RFFL: variants seen among roughly 807,000 people sequenced by gnomAD.
RFFL encodes the protein E3 ubiquitin-protein ligase rififylin.
In RFFL, 16 loss-of-function variants were observed where a neutral mutation model predicts 40.4. The ratio of observed to expected loss-of-function variants is 0.40; its 90% CI spans 0.27 to 0.60. RFFL has a LOEUF of 0.60. RFFL is among the 20% of genes least tolerant of loss of function. The probability of loss-of-function intolerance (pLI) is 0.47; values close to 1 mark genes in which losing one functional copy is unlikely to be tolerated. For missense variants in RFFL, 367 were observed against 451.7 expected, an observed-to-expected ratio of 0.81 and a Z score of 1.70; for synonymous variants, 154 against 167.9, an observed-to-expected ratio of 0.92 and a Z score of 0.64.
Position 35,021,752 on chromosome 17 carries a change from A to G in RFFL, c.210T>C (p.Phe70=), listed in dbSNP as rs1049644811. The change falls in exon 3 of 7, where the codon TTT becomes TTC. Residue 70 remains phenylalanine (F), a synonymous_variant. Transcript: ENST00000394597. ...CTACTTGGCTCGAACAGGTCATGCAAAAATTTTTCTTACAGTCCAAGCAGG... is the reference window on the plus strand; with the variant it reads ...CTACTTGGCTCGAACAGGTCATGCAGAAATTTTTCTTACAGTCCAAGCAGG... ...KQTCLDCKKN[F]CMTCSSQVGN... The G allele has an allele frequency of 6.2e-7, 1 of 1,614,230 alleles. No homozygotes were observed. The highest frequency in any genetic ancestry group is 1.7e-5 in the Admixed American group (1 of 60,030).
At chr17:35,038,286 C>CAAA (rs33952696) in intron 1 of RFFL, among the ~76,000 whole-genome samples, 1 of 99,332 alleles carries the variant, frequency 1.0e-5, no homozygotes, top group African/African-American at 3.7e-5. Flanking sequence ...AAAACTGTCT[C>CAAA]AAAAAAAAAA....
At chr17:35,077,891 A>G (rs2091384938) in intron 1 of RFFL, among the ~76,000 whole-genome samples, 1 of 152,214 alleles carries the variant, frequency 6.6e-6, no homozygotes, top group Admixed American at 6.5e-5. Flanking sequence ...GCACAAATCC[A>G]CAGTAGTCAG....
At chr17:35,036,686 C>T (rs560297227) in intron 1 of RFFL, among the ~76,000 whole-genome samples, 20 of 152,296 alleles carry the variant, frequency 1.3e-4, no homozygotes, top group African/African-American at 4.3e-4. Flanking sequence ...CCCTGCTGAA[C>T]AGGAAAATAA....
chr17:35,026,658 G>T, intron 1 of RFFL, 97 bp from the exon 2 acceptor site: 1 of 913,858 alleles, frequency 1.1e-6, no homozygotes, highest in Non-Finnish European at 1.7e-6. Context: ...GACACTCAAT[G>T]CACGCATGCC....
At chr17:35,016,167 A>C (rs1221614331) in intron 5 of RFFL, among the ~76,000 whole-genome samples, 1 of 152,256 alleles carries the variant, frequency 6.6e-6, no homozygotes, top group Admixed American at 6.5e-5. Context: ...GGTTGCTCTA[A>C]GGAATAAATA....
In RFFL at chr17:35,052,226, T is replaced by C. The variant is rs574811169; in HGVS notation, c.-9+11350A>G. 2.0e-5 allele frequency among the ~76,000 whole-genome samples: 3 copies of C among 152,364 alleles called. No homozygotes were observed. In the South Asian group the frequency reaches 6.2e-4, roughly 32 times the overall value. On this transcript the variant is annotated intron_variant, in intron 1 of 6. Coordinates refer to ENST00000394597, the MANE Select transcript of RFFL (RefSeq NM_001017368.2). ...AAAATGCCCTGATCTACCTCCCCAGTACCGGAAGATTTTTTTTCCCTTTCC... is the reference window on the plus strand; with the variant it reads ...AAAATGCCCTGATCTACCTCCCCAGCACCGGAAGATTTTTTTTCCCTTTCC...
intron 1 of RFFL, among the ~76,000 whole-genome samples, chr17:35,054,355 A>C (rs1324102796): frequency 6.6e-6 from 1 of 152,142 alleles, no homozygotes; most frequent in Non-Finnish European, 1.5e-5. Context: ...CCATTCCCAC[A>C]AGCTGAGGCC....
chr17:35,072,297 A>T (rs2091354650), intron 1 of RFFL, among the ~76,000 whole-genome samples: 1 of 151,474 alleles, frequency 6.6e-6, no homozygotes, highest in Admixed American at 6.6e-5. Flanking sequence ...AAAAAAAAAA[A>T]GTTCCAATTG....
chr17:35,069,424 T>C (rs962347118), intron 1 of RFFL: 3 of 444,694 alleles, frequency 6.7e-6, no homozygotes, highest in Non-Finnish European at 1.4e-5. Flanking sequence ...CTGCAGGCTA[T>C]AGAAATAAAA....
upstream of RFFL, among the ~76,000 whole-genome samples, chr17:35,067,553 G>C (rs570497976): frequency 2.0e-5 from 3 of 151,166 alleles, no homozygotes; most frequent in Admixed American, 1.3e-4. Context: ...CCACCTCCGG[G>C]TTCAAGCGAT....
intron 1 of RFFL, among the ~76,000 whole-genome samples, chr17:35,085,112 G>A (rs1447451252): frequency 6.6e-6 from 1 of 151,988 alleles, no homozygotes; most frequent in South Asian, 2.1e-4. Context: ...AGAATATCTC[G>A]GTCAGTGACT....
In RFFL at chr17:35,021,605, A is replaced by G; in HGVS notation, c.357T>C (p.Ser119=). 1.2e-6 allele frequency: 2 copies of G among 1,614,096 alleles called. No individual in the cohort carries two copies. The highest frequency in any genetic ancestry group is 1.7e-6 in the Non-Finnish European group (2 of 1,179,896). ...CTTCTTTCTCCCGGCACATTTCGGT[A>G]GAGATGTCATGGAGGCTGAGATAGT... ...LRDYLSLHDI[S]TEMCREKEEL... Residue 119 remains serine, a synonymous_variant, in exon 3 of 7, where the codon TCT becomes TCC. Coordinates refer to ENST00000394597, the MANE Select transcript of RFFL (RefSeq NM_001017368.2).
At chr17:35,075,323 C>G (rs1285924027) in intron 1 of RFFL, among the ~76,000 whole-genome samples, 1 of 152,192 alleles carries the variant, frequency 6.6e-6, no homozygotes, top group Non-Finnish European at 1.5e-5. Context: ...ACTGGCATAA[C>G]CTAGACACAT....
chr17:35,024,379 T>C (rs1365285370), intron 2 of RFFL, among the ~76,000 whole-genome samples: 1 of 152,172 alleles, frequency 6.6e-6, no homozygotes, highest in Non-Finnish European at 1.5e-5. Context: ...CTCTTAACAC[T>C]CTGAGATCTG....
intron 3 of RFFL, among the ~76,000 whole-genome samples, chr17:35,020,792 G>T (rs2091003649): frequency 6.6e-6 from 1 of 152,104 alleles, no homozygotes; most frequent in Non-Finnish European, 1.5e-5. Context: ...CAGTTGATGT[G>T]CTGCTCTTAG....
At chr17:35,016,933 C>T (rs1380759433) in intron 4 of RFFL, among the ~76,000 whole-genome samples, 1 of 152,116 alleles carries the variant, frequency 6.6e-6, no homozygotes, top group Non-Finnish European at 1.5e-5. Flanking sequence ...AAGTTGCTTA[C>T]CACTCTGAGC....
chr17:35,026,351 C>T (rs2091040498), intron 2 of RFFL, 23 bp downstream of exon 2: 1 of 1,609,924 alleles, frequency 6.2e-7, no homozygotes, highest in Non-Finnish European at 8.5e-7. Flanking sequence ...AGTGGCAGAG[C>T]AGGCCAAGAA....
At chr17:35,031,078 C>T (rs2091079769) in intron 1 of RFFL, among the ~76,000 whole-genome samples, 1 of 152,018 alleles carries the variant, frequency 6.6e-6, no homozygotes, top group African/African-American at 2.4e-5. Context: ...CTGGGCTTGT[C>T]CCCTGCAAAG....
chr17:35,007,365 A>C lies in RFFL; in HGVS notation c.*4603T>G, dbSNP rs1005084303. On this transcript the variant is annotated 3_prime_UTR_variant, in exon 7 of 7. Transcript: ENST00000394597. ...TGTATATACTATTTTGTATCCTTTC[A>C]TGTATTTCTTTCATGTATTTCAATG... The C allele has an allele frequency of 2.0e-5, 3 of 151,934 alleles. No individual in the cohort carries two copies. The highest frequency in any genetic ancestry group is 7.3e-5 in the African/African-American group (3 of 41,336). The allele number at this position is 151,934 out of a possible 1,614,324, so 9.4% of individuals were successfully genotyped here. A position where few individuals can be genotyped will look rare whatever the true frequency, so the allele number is the denominator to read the frequency against.
Sources: allele counts gnomAD v4.1 joint callset (sites outside exome capture counted in the v4.1 genomes callset), GRCh38; gene constraint gnomAD v4.1.1; transcripts MANE v1.5; gene names NCBI Gene and HGNC (gene_info 2026-07-23, HGNC 2026-07-21).